Variants in LRRC37A2 observed in about 807,000 individuals in gnomAD.
LRRC37A2 encodes the protein leucine-rich repeat-containing protein 37A2.
In LRRC37A2, 9 loss-of-function variants were observed where a neutral mutation model predicts 68.8. The ratio of observed to expected loss-of-function variants is 0.13; its 90% confidence interval spans 0.08 to 0.23. The LOEUF (loss-of-function observed/expected upper bound fraction) is 0.23, where lower values mean the gene tolerates loss of function less well. Ranked by LOEUF, LRRC37A2 falls within the 10% of genes least tolerant of loss-of-function variation. The pLI is 1.00. For missense variants in LRRC37A2, 168 were observed against 950.4 expected (o/e 0.18, Z 10.82); for synonymous variants, 63 against 367.6 (o/e 0.17, Z 9.48).
chr17:46,736,439 G>A, the LRRC37A2 span, among the ~76,000 whole-genome samples: 1 of 152,186 alleles, frequency 6.6e-6, no homozygotes, highest in African/African-American at 2.4e-5. Context: ...CAGATCTTTG[G>A]AGATTTCCTG....
At chr17:46,827,432 A>G in the LRRC37A2 span, among the ~76,000 whole-genome samples, 1 of 152,186 alleles carries the variant, frequency 6.6e-6, no homozygotes, top group African/African-American at 2.4e-5. Context: ...CTGGAGCTGC[A>G]GCAGCCATTC....
At chr17:46,934,204 G>A in the LRRC37A2 span, among the ~76,000 whole-genome samples, 1 of 152,316 alleles carries the variant, frequency 6.6e-6, no homozygotes, top group East Asian at 1.9e-4. Context: ...CACACTTCCA[G>A]CTGTGTGATC....
chr17:47,028,242 T>A, the LRRC37A2 span: 3 of 1,280,956 alleles, frequency 2.3e-6, no homozygotes, highest in Non-Finnish European at 3.4e-6. Flanking sequence ...CTGAAATAAT[T>A]ATTTTTTTCC....
At chr17:46,803,500 A>G in the LRRC37A2 span, among the ~76,000 whole-genome samples, 8 of 152,316 alleles carry the variant, frequency 5.3e-5, no homozygotes, top group East Asian at 1.4e-3. Context: ...CTGCAATCCA[A>G]CCTGGGCAAC....
At chr17:46,784,083 G>C in the LRRC37A2 span, among the ~76,000 whole-genome samples, 1 of 152,146 alleles carries the variant, frequency 6.6e-6, no homozygotes, top group Non-Finnish European at 1.5e-5. Context: ...CATGTGTCTG[G>C]GTCACCGGGG....
At chr17:46,873,684 C>G in the LRRC37A2 span, among the ~76,000 whole-genome samples, 1 of 152,224 alleles carries the variant, frequency 6.6e-6, no homozygotes, top group Non-Finnish European at 1.5e-5. Context: ...TATGATGAAA[C>G]CCCGTCTCTA....
At chr17:46,809,361 G>A in the LRRC37A2 span, among the ~76,000 whole-genome samples, 2 of 152,298 alleles carry the variant, frequency 1.3e-5, no homozygotes, top group African/African-American at 2.4e-5. Context: ...TTCCTTGCCG[G>A]CCCAGCTGGC....
chr17:46,534,162 C>T (rs1185421272), intron 6 of LRRC37A2, among the ~76,000 whole-genome samples: 1 of 148,000 alleles, frequency 6.8e-6, no homozygotes, highest in Non-Finnish European at 1.5e-5. Context: ...TACAGGCATG[C>T]ACCACCATGC....
the LRRC37A2 span, among the ~76,000 whole-genome samples, chr17:46,922,559 T>C: frequency 6.6e-6 from 1 of 152,280 alleles, no homozygotes; most frequent in African/African-American, 2.4e-5. Flanking sequence ...AGTATACATA[T>C]CTTATTTCCT....
the LRRC37A2 span, chr17:46,768,681 T>C: frequency 1.2e-6 from 2 of 1,614,106 alleles, no homozygotes; most frequent in Non-Finnish European, 1.7e-6. The surrounding 1 kb of genome is among the most constrained non-coding windows in gnomAD (Gnocchi z 5.0). Flanking sequence ...GTCATACTTG[T>C]CCTTGAGGAA....
At chr17:46,728,480 C>A in the LRRC37A2 span, among the ~76,000 whole-genome samples, 1 of 151,626 alleles carries the variant, frequency 6.6e-6, no homozygotes, top group Non-Finnish European at 1.5e-5. Context: ...TTTATAGAGC[C>A]GAGTACAGTG....
the LRRC37A2 span, among the ~76,000 whole-genome samples, chr17:46,989,811 C>T: frequency 6.6e-6 from 1 of 152,246 alleles, no homozygotes; most frequent in African/African-American, 2.4e-5. Flanking sequence ...TTAGAGACAG[C>T]GTGTGAACAG....
the LRRC37A2 span, among the ~76,000 whole-genome samples, chr17:46,823,190 A>G: frequency 5.5e-5 from 7 of 126,796 alleles, no homozygotes; most frequent in Non-Finnish European, 1.1e-4. Flanking sequence ...ATAATATATT[A>G]TATATATTTA....
the LRRC37A2 span, among the ~76,000 whole-genome samples, chr17:46,835,086 C>CTGGGGTCAAG: frequency 6.6e-6 from 1 of 152,344 alleles, no homozygotes; most frequent in South Asian, 2.1e-4. Context: ...CCTCCATCTC[C>CTGGGGTCAAG]TGGGGTCAAG....
At chr17:47,010,925 G>A in the LRRC37A2 span, among the ~76,000 whole-genome samples, 2 of 152,208 alleles carry the variant, frequency 1.3e-5, no homozygotes, top group African/African-American at 4.8e-5. Flanking sequence ...GCAGTGTGGG[G>A]TGGATTGTTG....
the LRRC37A2 span, among the ~76,000 whole-genome samples, chr17:46,891,893 T>TTTTTCTTTTC: frequency 7.6e-6 from 1 of 132,342 alleles, no homozygotes; most frequent in African/African-American, 2.9e-5. Context: ...TTTTACTCTT[T>TTTTTCTTTTC]TTTTCTTTTC....
the LRRC37A2 span, chr17:46,755,881 T>G: frequency 6.5e-7 from 1 of 1,538,064 alleles, no homozygotes; most frequent in Non-Finnish European, 8.9e-7. Flanking sequence ...GAAGATGGCC[T>G]AGGATCTTCA....
the LRRC37A2 span, chr17:47,010,331 A>G: frequency 6.6e-6 from 1 of 152,212 alleles, no homozygotes; most frequent in South Asian, 2.1e-4. Flanking sequence ...ATGGGGGGTG[A>G]CAGGAGGCAG....
chr17:46,734,275 A>G, the LRRC37A2 span, among the ~76,000 whole-genome samples: 5 of 152,200 alleles, frequency 3.3e-5, no homozygotes, highest in Non-Finnish European at 7.3e-5. Context: ...GCTAATGACT[A>G]TGATATGACT....
Sources: gnomAD v4.1 joint callset for allele counts (sites outside exome capture counted in the v4.1 genomes callset) on GRCh38, gnomAD v4.1.1 for gene constraint, Gnocchi (gnomAD v3.1) non-coding constraint, MANE v1.5 for transcripts, NCBI Gene and HGNC (gene_info 2026-07-23, HGNC 2026-07-21) for gene names.